CDKL2: variants seen among roughly 807,000 people sequenced by gnomAD.
CDKL2 encodes cyclin-dependent kinase-like 2.
In CDKL2, 64 loss-of-function variants were observed where a neutral mutation model predicts 63.9. The ratio of observed to expected loss-of-function variants is 1.00; its 90% CI spans 0.82 to 1.23. The LOEUF is 1.23. Among genes scored for constraint, CDKL2 ranks in the 50% most tolerant of loss-of-function variants. The probability of loss-of-function intolerance (pLI) is 0.00; values close to 1 mark genes in which losing one functional copy is unlikely to be tolerated. For synonymous variants in CDKL2, 211 were observed against 229.2 expected, an observed-to-expected ratio of 0.92 and a Z score of 0.72; for missense variants, 656 against 668.0, an observed-to-expected ratio of 0.98 and a Z score of 0.20.
intron 12 of CDKL2, among the ~76,000 whole-genome samples, chr4:75,587,347 G>T (rs529598961): frequency 6.6e-6 from 1 of 151,970 alleles, no homozygotes; most frequent in Non-Finnish European, 1.5e-5. Flanking sequence ...CCAGTAACTC[G>T]GGAGGCTGAG....
chr4:75,609,760 T>C (rs1729601925), intron 3 of CDKL2, among the ~76,000 whole-genome samples: 1 of 151,246 alleles, frequency 6.6e-6, no homozygotes, highest in Non-Finnish European at 1.5e-5. Context: ...CTAAAAAAGA[T>C]AGATTTGTTT....
Position 75,614,443 on chromosome 4 carries a change from T to G in CDKL2, c.175A>C (p.Arg59=), listed in dbSNP as rs771236951. The change falls in exon 3 of 14, where the codon AGG becomes CGG. Residue 59 remains arginine (R), a synonymous_variant. Coordinates refer to ENST00000307465, the MANE Select transcript of CDKL2 (RefSeq NM_001330724.2). ...MREIKLLKQL[R]HENLVNLLEV... ...AAGAGATTCACCAAGTTTTCATGCC[T>G]AAGTTGCTGTTATTAAAAAATGCAA... The G allele has an allele frequency of 1.3e-6, 2 of 1,541,470 alleles. No individual in the cohort carries two copies. The highest frequency in any genetic ancestry group is 4.0e-5 in the Admixed American group (2 of 49,452).
intron 13 of CDKL2, among the ~76,000 whole-genome samples, chr4:75,581,402 T>C (rs1308177391): frequency 6.6e-6 from 1 of 152,240 alleles, no homozygotes; most frequent in Admixed American, 6.5e-5. Context: ...TAAACTGTGA[T>C]GTTAGCATAA....
intron 3 of CDKL2, 147 bp downstream of exon 3, chr4:75,614,108 C>A (rs1011626709): frequency 4.5e-5 from 24 of 537,492 alleles, no homozygotes; most frequent in African/African-American, 9.9e-5. Flanking sequence ...ATATTTAACT[C>A]CAATTAATAG....
chr4:75,613,142 C>T (rs990293647), intron 3 of CDKL2, among the ~76,000 whole-genome samples: 1 of 91,784 alleles, frequency 1.1e-5, no homozygotes, highest in Non-Finnish European at 2.4e-5. Flanking sequence ...AATAGATTTT[C>T]TGAGCCTGGA....
Position 75,577,068 on chromosome 4 carries a change from A to G in CDKL2, c.*2134T>C, listed in dbSNP as rs1056597939. ...ATACAGTAGTGTATATATTATTTAT[A>G]GCCTCTTAATTAAATAAATCTAAAT... is the stretch of plus-strand genomic sequence containing the variant. On this transcript the variant is annotated 3_prime_UTR_variant, in exon 14 of 14. Coordinates refer to ENST00000307465, the MANE Select transcript of CDKL2 (RefSeq NM_001330724.2). Among the ~76,000 whole-genome samples, 4 of 152,198 alleles carry G rather than the reference A, an allele frequency of 2.6e-5. No homozygotes were observed. The highest frequency in any genetic ancestry group is 5.9e-5 in the Non-Finnish European group (4 of 68,024).
In CDKL2 at chr4:75,605,526, A is replaced by T; in HGVS notation, c.651T>A (p.Cys217Ter). The change falls in exon 5 of 14, where the codon TGT becomes TGA. Residue 217 changes from cysteine to a stop codon, truncating the protein, a stop_gained. Transcript: ENST00000307465. LOFTEE classifies it high-confidence loss of function. ...AATGCAGATGTGTAACCTTACCTAA[A>T]CACATCATAATATGATATAGCTGAT... ...DIDQLYHIMM[C>*]LGNLIPRHQE... is the part of the protein sequence containing the mutation. The T allele has an allele frequency of 6.4e-7, 1 of 1,562,778 alleles. No homozygotes were observed. Among genetic ancestry groups the T allele is most frequent in the South Asian group, 1.1e-5 (1 of 89,644 alleles).
At chr4:75,600,992 C>A (rs893929745) in intron 6 of CDKL2, among the ~76,000 whole-genome samples, 2 of 152,306 alleles carry the variant, frequency 1.3e-5, no homozygotes, top group Admixed American at 6.5e-5. Flanking sequence ...AACATGTATA[C>A]TGCATTATGT....
chr4:75,627,882 T>C (rs2148920440), intron 1 of CDKL2, among the ~76,000 whole-genome samples: 1 of 151,352 alleles, frequency 6.6e-6, no homozygotes, highest in South Asian at 2.1e-4. Flanking sequence ...CAGCTAATTT[T>C]TGTACTTTTA....
chr4:75,587,776 C>A (rs1175699455), intron 12 of CDKL2, among the ~76,000 whole-genome samples: 1 of 149,980 alleles, frequency 6.7e-6, no homozygotes, highest in Non-Finnish European at 1.5e-5. Flanking sequence ...TAGTGGCGGG[C>A]GCCTGTAGTC....
At chr4:75,625,468 G>T (rs1243536815) in intron 2 of CDKL2, among the ~76,000 whole-genome samples, 2 of 152,018 alleles carry the variant, frequency 1.3e-5, no homozygotes, top group Admixed American at 6.6e-5. Context: ...TATTTGAGGG[G>T]AAAAAAGTCT....
intron 3 of CDKL2, among the ~76,000 whole-genome samples, 170 bp from the exon 4 acceptor site, chr4:75,607,531 A>G (rs1218332857): frequency 6.6e-6 from 1 of 152,218 alleles, no homozygotes; most frequent in African/African-American, 2.4e-5. Context: ...AAGAACATCT[A>G]TACTTGAAAT....
intron 12 of CDKL2, among the ~76,000 whole-genome samples, chr4:75,583,293 G>A (rs1247959030): frequency 6.6e-6 from 1 of 152,194 alleles, no homozygotes; most frequent in African/African-American, 2.4e-5. Flanking sequence ...TGTTAGCAAT[G>A]TTCCTACTTT....
chr4:75,585,807 A>G (rs776465525), intron 12 of CDKL2, among the ~76,000 whole-genome samples: 3 of 152,254 alleles, frequency 2.0e-5, no homozygotes, highest in Non-Finnish European at 4.4e-5. Context: ...TAAGAGAGAA[A>G]TAGGCAATTC....
chr4:75,596,830 A>G, intron 9 of CDKL2, 105 bp downstream of exon 9: 1 of 963,344 alleles, frequency 1.0e-6, no homozygotes, highest in Admixed American at 2.7e-5. Context: ...AATGAATAGC[A>G]TCCAGAATTC....
intron 13 of CDKL2, 26 bp from the exon 14 acceptor site, chr4:75,579,204 CAACT>C (rs1257453852): frequency 6.6e-6 from 1 of 152,204 alleles, no homozygotes; most frequent in East Asian, 1.9e-4. Flanking sequence ...GATATACCAC[CAACT>C]ATTTTACAAA....
chr4:75,597,240 A>G lies in CDKL2; in HGVS notation c.1021-4T>C. On this transcript the variant is annotated splice_region_variant and splice_polypyrimidine_tract_variant and intron_variant, in intron 8 of 13. Coordinates refer to ENST00000307465, the MANE Select transcript of CDKL2 (RefSeq NM_001330724.2). ...TTTTGGGATCAGCATTGGTATCCTG[A>G]TCATTAACAAAAATATTAATAAGGT... 2 of 1,538,560 alleles carry G rather than the reference A, an allele frequency of 1.3e-6. No homozygotes were observed. Among genetic ancestry groups the G allele is most frequent in the East Asian group, 4.5e-5 (2 of 44,446 alleles).
At chr4:75,599,714 A>G (rs1423432714) in intron 7 of CDKL2, among the ~76,000 whole-genome samples, 1 of 152,204 alleles carries the variant, frequency 6.6e-6, no homozygotes, top group Non-Finnish European at 1.5e-5. Context: ...TGAGTACAAA[A>G]GCAAATAGGA....
intron 3 of CDKL2, among the ~76,000 whole-genome samples, chr4:75,614,003 G>C (rs1055228149): frequency 2.6e-5 from 4 of 152,172 alleles, no homozygotes; most frequent in Non-Finnish European, 4.4e-5. Flanking sequence ...GTTGCAGTGA[G>C]CTGAGATCTT....
Sources: allele counts gnomAD v4.1 joint callset (sites outside exome capture counted in the v4.1 genomes callset), GRCh38; gene constraint gnomAD v4.1.1; transcripts MANE v1.5; gene names NCBI Gene and HGNC (gene_info 2026-07-23, HGNC 2026-07-21).